Variants in ERGIC3 observed in about 807,000 individuals in gnomAD.
The protein encoded by ERGIC3 is ERGIC and golgi 3, also known as endoplasmic reticulum-Golgi intermediate compartment protein 3.
ERGIC3 carries 33 observed loss-of-function variants against 54.7 expected under a neutral mutation model. The ratio of observed to expected loss-of-function variants is 0.60; its 90% confidence interval spans 0.46 to 0.81. The LOEUF is 0.81. Among genes scored for constraint, ERGIC3 ranks in the 30% least tolerant of loss-of-function variants. The pLI is 0.00. For synonymous variants in ERGIC3, 186 were observed against 189.8 expected (o/e 0.98, Z 0.16); for missense variants, 399 against 488.4 (o/e 0.82, Z 1.73).
chr20:35,557,356 T>C lies in ERGIC3; in HGVS notation c.1073-69T>C, dbSNP rs962791483. ...GCAGATGCTGGCCTGGCCAGTTAAG[T>C]GACAAGGCTCTCAGCGTCAAAAGCC... is the stretch of plus-strand genomic sequence containing the variant. On this transcript the variant is annotated intron_variant, in intron 12 of 12. Coordinates refer to ENST00000348547, the MANE Select transcript of ERGIC3 (RefSeq NM_015966.3). The C allele has an allele frequency of 2.5e-6, 4 of 1,608,178 alleles. No homozygotes were observed. In the Admixed American group the frequency reaches 6.7e-5, roughly 27 times the overall value.
At chr20:35,546,863 G>A (rs1448269229) in intron 4 of ERGIC3, among the ~76,000 whole-genome samples, 1 of 152,178 alleles carries the variant, frequency 6.6e-6, no homozygotes, top group African/African-American at 2.4e-5. Context: ...GGTAGCTGAG[G>A]TGAGATGGCA....
At chr20:35,546,975 G>C (rs1601361886) in intron 4 of ERGIC3, among the ~76,000 whole-genome samples, 3 of 152,306 alleles carry the variant, frequency 2.0e-5, no homozygotes, top group South Asian at 4.1e-4. Flanking sequence ...TGCAGAGGGA[G>C]AGGTGTGAGG....
chr20:35,542,276 A>T, intron 1 of ERGIC3, 47 bp from the exon 2 acceptor site: 1 of 1,613,548 alleles, frequency 6.2e-7, no homozygotes, highest in East Asian at 2.2e-5. Flanking sequence ...CCGGTGTCTG[A>T]GGGAGCGGAT....
At position 35,542,355 on chromosome 20, in the gene ERGIC3, C is replaced by T. The variant is rs1331004590; in HGVS notation, c.121C>T (p.Leu41=). The T allele has an allele frequency of 1.2e-6, 2 of 1,613,850 alleles. No individual in the cohort carries two copies. The highest frequency in any genetic ancestry group is 1.7e-4 in the Middle Eastern group (1 of 6,036). Residue 41 remains leucine (L), a synonymous_variant, in exon 2 of 13, where the codon CTG becomes TTG. Transcript: ENST00000348547. ...TIVSGLLMLL[L]FLSELQYYLT... The stretch of plus-strand genomic sequence containing the variant: ...TGTCAGTGGCCTTCTCATGCTGCTA[C>T]TGTTCCTGTCCGAGCTGCAGTATTA...
intron 7 of ERGIC3, chr20:35,549,160 CAG>C (rs1187637543): frequency 2.0e-6 from 1 of 508,262 alleles, no homozygotes; most frequent in Non-Finnish European, 4.0e-6. Flanking sequence ...ACTTATCTCA[CAG>C]GGTGTGTGTG....
In ERGIC3 at chr20:35,557,571, C is replaced by A; in HGVS notation, c.*67C>A. 7.4e-7 allele frequency: 1 copy of A among 1,356,776 alleles called. No homozygotes were observed. Among genetic ancestry groups the A allele is most frequent in the Non-Finnish European group, 1.1e-6 (1 of 949,158 alleles). The allele number at this position is 1,356,776 out of a possible 1,614,324, so 84.0% of individuals were successfully genotyped here. A position where few individuals can be genotyped will look rare whatever the true frequency, so the allele number is the denominator to read the frequency against. On this transcript the variant is annotated 3_prime_UTR_variant, in exon 13 of 13. Coordinates refer to ENST00000348547, the MANE Select transcript of ERGIC3 (RefSeq NM_015966.3). ...TGTGGTTGTCCCCCAGCCTCTGCCA[C>A]CCTCCACCTCCTCGGTCAGCCCCAG...
At chr20:35,553,020 A>ATTTTTTTTTTTTTT (rs141438822) in intron 7 of ERGIC3, among the ~76,000 whole-genome samples, 5,103 of 41,536 alleles carry the variant, frequency 0.12, 2,063 homozygotes, top group Non-Finnish European at 0.17. Flanking sequence ...AAAGCTGGGG[A>ATTTTTTTTTTTTTT]TTTTTTTTTT....
intron 4 of ERGIC3, chr20:35,544,052 AT>A (rs2064633604): frequency 1.4e-5 from 3 of 218,348 alleles, no homozygotes; most frequent in Non-Finnish European, 2.8e-5. Flanking sequence ...CTATCTATCT[AT>A]CTATCTATCT....
intron 7 of ERGIC3, among the ~76,000 whole-genome samples, chr20:35,553,019 G>GTTTTTTTTTT (rs2064689546): frequency 7.9e-5 from 1 of 12,632 alleles, no homozygotes; most frequent in African/African-American, 1.8e-4. Flanking sequence ...CAAAGCTGGG[G>GTTTTTTTTTT]ATTTTTTTTT....
intron 7 of ERGIC3, among the ~76,000 whole-genome samples, chr20:35,553,034 T>TTTC: frequency 7.9e-6 from 1 of 126,740 alleles, no homozygotes; most frequent in South Asian, 2.8e-4. Flanking sequence ...TTTTTTTTTT[T>TTTC]TTTTTTTTTT....
chr20:35,549,633 C>T (rs747675329), intron 7 of ERGIC3: 1 of 163,928 alleles, frequency 6.1e-6, no homozygotes, highest in Non-Finnish European at 1.3e-5. Flanking sequence ...TTTCACTTAA[C>T]GATATTTTCT....
Position 35,542,861 on chromosome 20 carries a change from A to C in ERGIC3, c.287A>C (p.Gln96Pro). Residue 96 changes from glutamine to proline, a missense_variant, in exon 4 of 13, where the codon CAG (glutamine) becomes CCG (proline). By Grantham distance (76) the Gln-to-Pro change is moderately conservative. Coordinates refer to ENST00000348547, the MANE Select transcript of ERGIC3 (RefSeq NM_015966.3). ...IDAMDVAGEQ[Q>P]LDVEHNLFKQ... ...GCCATGGATGTGGCCGGAGAACAGC[A>C]GCTGGATGTGGAACACAACCTGTTC... 6.2e-7 allele frequency: 1 copy of C among 1,614,148 alleles called. No homozygotes were observed. Among genetic ancestry groups the C allele is most frequent in the Non-Finnish European group, 8.5e-7 (1 of 1,180,018 alleles).
At position 35,548,104 on chromosome 20, in the gene ERGIC3, A is replaced by G. The variant is rs536236399; in HGVS notation, c.462-405A>G. On this transcript the variant is annotated intron_variant, in intron 5 of 12. Transcript: ENST00000348547. ...AGTGTGCAACTCAGTGGCATTAGGTATCTTCACAGTGTCATGCAGTCACCA... is the reference window on the plus strand; with the variant it reads ...AGTGTGCAACTCAGTGGCATTAGGTGTCTTCACAGTGTCATGCAGTCACCA... Among the ~76,000 whole-genome samples the G allele has an allele frequency of 2.0e-5, 3 of 152,258 alleles. No individual in the cohort carries two copies. The South Asian group carries it at 6.2e-4, about 32-fold the overall frequency.
intron 7 of ERGIC3, among the ~76,000 whole-genome samples, chr20:35,551,234 C>T (rs891317222): frequency 6.6e-6 from 1 of 151,342 alleles, no homozygotes; most frequent in Admixed American, 6.6e-5. Context: ...GCGGAGGTTG[C>T]AGGGAGCCGA....
intron 7 of ERGIC3, chr20:35,554,757 G>A (rs1014904429): frequency 1.2e-5 from 7 of 593,606 alleles, no homozygotes; most frequent in Admixed American, 3.0e-5. Context: ...TTTTGTTTCC[G>A]GAGATGCAGG....
At chr20:35,546,808 T>G (rs2064651203) in intron 4 of ERGIC3, among the ~76,000 whole-genome samples, 1 of 152,162 alleles carries the variant, frequency 6.6e-6, no homozygotes, top group Admixed American at 6.5e-5. Context: ...TTGGAAGATT[T>G]GCAGTTATTG....
intron 7 of ERGIC3, among the ~76,000 whole-genome samples, chr20:35,552,234 G>A (rs2064685684): frequency 2.0e-5 from 3 of 152,188 alleles, no homozygotes; most frequent in African/African-American, 7.2e-5. Context: ...CGTGTTGTAG[G>A]AAGGAAGGTC....
chr20:35,543,068 C>T, intron 4 of ERGIC3, 127 bp downstream of exon 4: 1 of 1,421,040 alleles, frequency 7.0e-7, no homozygotes, highest in Non-Finnish European at 9.6e-7. Context: ...AGTCAAGTGA[C>T]TTGCCTAGGG....
chr20:35,554,866 C>T (rs2064702530), intron 7 of ERGIC3, 178 bp from the exon 8 acceptor site: 3 of 758,516 alleles, frequency 4.0e-6, no homozygotes, highest in Middle Eastern at 3.4e-4. Context: ...TGAACTCTCA[C>T]ACAGGCCCAA....
Sources: allele counts gnomAD v4.1 joint callset (sites outside exome capture counted in the v4.1 genomes callset), GRCh38; gene constraint gnomAD v4.1.1; transcripts MANE v1.5; gene names NCBI Gene and HGNC (gene_info 2026-07-23, HGNC 2026-07-21).